The following GPD2 variants were observed in gnomAD, a reference collection of about 807,000 sequenced individuals.
GPD2 encodes glycerol-3-phosphate dehydrogenase 2, also known as glycerol-3-phosphate dehydrogenase, mitochondrial.
In GPD2, 54 loss-of-function variants were observed where a neutral mutation model predicts 82.4. The ratio of observed to expected loss-of-function variants is 0.66; its 90% CI spans 0.53 to 0.82. The LOEUF (loss-of-function observed/expected upper bound fraction) is 0.82. Ranked by LOEUF, GPD2 falls within the 40% of genes least tolerant of loss-of-function variation. GPD2 has a pLI of 0.00. For missense variants in GPD2, 748 were observed against 896.2 expected (o/e 0.83, Z 2.11); for synonymous variants, 288 against 306.1 (o/e 0.94, Z 0.62).
chr2:156,474,465 T>C lies in GPD2; in HGVS notation c.-8-1633T>C, dbSNP rs150342921. Among the ~76,000 whole-genome samples, 291 of 152,286 alleles carry C rather than the reference T, an allele frequency of 1.9e-3. 1 individual carries two copies. Among genetic ancestry groups the C allele is most frequent in the Non-Finnish European group, 3.3e-3 (224 of 68,026 alleles). On this transcript the variant is annotated intron_variant, in intron 1 of 16. Coordinates refer to ENST00000438166, the MANE Select transcript of GPD2 (RefSeq NM_000408.5). The stretch of plus-strand genomic sequence containing the variant: ...CTTGAGTTGTGAGCTATCAGTAGAA[T>C]GTAACGTGTGTTGTCCAGACAGGCC...
intron 6 of GPD2, among the ~76,000 whole-genome samples, chr2:156,534,251 C>CTT (rs1553474376): frequency 1.3e-5 from 2 of 151,668 alleles, no homozygotes; most frequent in African/African-American, 2.4e-5. Flanking sequence ...TCTCTTCTCT[C>CTT]CTCTGCTGTG....
At chr2:156,439,128 ATCTT>A (rs965031937) in intron 1 of GPD2, among the ~76,000 whole-genome samples, 1 of 152,238 alleles carries the variant, frequency 6.6e-6, no homozygotes, top group South Asian at 2.1e-4. Flanking sequence ...TTCAAAAATG[ATCTT>A]TCTGTTGAAA....
intron 2 of GPD2, among the ~76,000 whole-genome samples, chr2:156,489,975 G>C (rs902221907): frequency 6.7e-6 from 1 of 149,360 alleles, no homozygotes; most frequent in Non-Finnish European, 1.5e-5. Context: ...GCAGGGTTTC[G>C]GTCTCCCAGT....
chr2:156,538,131 T>C (rs957671027), intron 6 of GPD2, among the ~76,000 whole-genome samples: 1 of 152,182 alleles, frequency 6.6e-6, no homozygotes, highest in Non-Finnish European at 1.5e-5. Context: ...TGTTAGGAGG[T>C]AGTGAAATTA....
intron 1 of GPD2, among the ~76,000 whole-genome samples, chr2:156,440,081 C>T (rs1682113894): frequency 6.6e-6 from 1 of 152,102 alleles, no homozygotes; most frequent in Non-Finnish European, 1.5e-5. Flanking sequence ...GTTTTAGTTG[C>T]TCATCAAAAT....
At chr2:156,555,082 T>G (rs1318725009) in intron 8 of GPD2, among the ~76,000 whole-genome samples, 2 of 152,228 alleles carry the variant, frequency 1.3e-5, no homozygotes, top group African/African-American at 4.8e-5. Flanking sequence ...GCAAAATTGA[T>G]CCTTCATGAG....
chr2:156,510,800 A>G lies in GPD2; in HGVS notation c.279A>G (p.Leu93=), dbSNP rs774012799. Residue 93 remains leucine (L), a synonymous_variant, in exon 4 of 17, where the codon CTA becomes CTG. Coordinates refer to ENST00000438166, the MANE Select transcript of GPD2 (RefSeq NM_000408.5). ...TTTGGTTTTCTGGTTACACAGGACTAAAAACAGCCCTTGTAGAAAGAGATG... is the reference window on the plus strand; with the variant it reads ...TTTGGTTTTCTGGTTACACAGGACTGAAAACAGCCCTTGTAGAAAGAGATG... ...GCALDAVTRG[L]KTALVERDDF... is the part of the protein sequence containing the mutation. The G allele has an allele frequency of 2.5e-6, 4 of 1,612,106 alleles. No individual in the cohort carries two copies. The highest frequency in any genetic ancestry group is 8.5e-7 in the Non-Finnish European group (1 of 1,178,270).
chr2:156,425,861 G>A, the GPD2 span, among the ~76,000 whole-genome samples: 1 of 151,764 alleles, frequency 6.6e-6, no homozygotes, highest in African/African-American at 2.4e-5. Context: ...TGTGATAAAA[G>A]CATATACTCC....
chr2:156,435,426 C>G (rs1474312195), upstream of GPD2: 3 of 151,332 alleles, frequency 2.0e-5, no homozygotes, highest in African/African-American at 7.3e-5. Context: ...TGGGCATGCT[C>G]AGTGGGCAGG....
At chr2:156,505,619 T>G (rs1475238650) in intron 3 of GPD2, among the ~76,000 whole-genome samples, 1 of 152,188 alleles carries the variant, frequency 6.6e-6, no homozygotes, top group African/African-American at 2.4e-5. Flanking sequence ...AGCCCTTCCC[T>G]GCCTGTAATG....
chr2:156,443,388 G>C (rs1682247304), intron 1 of GPD2, among the ~76,000 whole-genome samples: 2 of 152,162 alleles, frequency 1.3e-5, no homozygotes, highest in Admixed American at 6.5e-5. Context: ...GTGACACCTA[G>C]TAAGCAGTTG....
chr2:156,518,240 G>A (rs966776126), intron 6 of GPD2, among the ~76,000 whole-genome samples: 23 of 152,216 alleles, frequency 1.5e-4, no homozygotes, highest in Admixed American at 3.9e-4. Flanking sequence ...TGTAGTTCAC[G>A]GTCCTGCCCC....
chr2:156,547,769 A>G (rs1686603201), intron 6 of GPD2, among the ~76,000 whole-genome samples: 3 of 152,252 alleles, frequency 2.0e-5, no homozygotes, highest in Admixed American at 2.0e-4. Context: ...TTTTAAACAC[A>G]TATTAAAAGA....
chr2:156,481,128 T>C (rs146271894), intron 2 of GPD2, among the ~76,000 whole-genome samples: 1 of 152,166 alleles, frequency 6.6e-6, no homozygotes, highest in African/African-American at 2.4e-5. Context: ...TTTTTTGAGG[T>C]ATGTTTCCTT....
chr2:156,525,052 G>A (rs984507301), intron 6 of GPD2, among the ~76,000 whole-genome samples: 2 of 152,048 alleles, frequency 1.3e-5, no homozygotes, highest in African/African-American at 4.8e-5. Context: ...AAGGTATATT[G>A]TATATAGGAA....
rs991759353 is a variant in GPD2, at chr2:156,499,091, A to T, written c.274+2876A>T. Among the ~76,000 whole-genome samples the T allele has an allele frequency of 3.9e-5, 6 of 152,192 alleles. No homozygotes were observed. In the South Asian group the frequency reaches 1.2e-3, roughly 31 times the overall value. ...ATAGAAACAAAGGGTAAATTCTAAG[A>T]CATAAAGAGTTTGTGTGAGTATGAA... On this transcript the variant is annotated intron_variant, in intron 3 of 16. Transcript: ENST00000438166.
the GPD2 span, among the ~76,000 whole-genome samples, chr2:156,415,801 G>GCCAA: frequency 6.6e-6 from 1 of 152,102 alleles, no homozygotes; most frequent in Non-Finnish European, 1.5e-5. Flanking sequence ...GTTGCGGTGA[G>GCCAA]CCAAGATTGT....
rs1187242848 is a variant in GPD2, at chr2:156,439,513, GAAAAAAAAAAA to G, written c.-9+3016_-9+3026del. Among the ~76,000 whole-genome samples, 5 of 31,632 alleles carry G rather than the reference GAAAAAAAAAAA, an allele frequency of 1.6e-4. 1 individual carries two copies. Among genetic ancestry groups the G allele is most frequent in the African/African-American group, 6.7e-4 (5 of 7,408 alleles). 20.8% of individuals were successfully genotyped at this position (31,632 alleles called of 152,430 possible). ...GTGAGAATTGCTTGAGACTGTCTCA[GAAAAAAAAAAA>G]AAAAAAAAAAAAAAACAAAAAAAAA... On this transcript the variant is annotated intron_variant, in intron 1 of 16. Coordinates refer to ENST00000438166, the MANE Select transcript of GPD2 (RefSeq NM_000408.5).
In GPD2 at chr2:156,452,047, A is replaced by G. The variant is rs376203599; in HGVS notation, c.-9+15534A>G. 2.0e-5 allele frequency among the ~76,000 whole-genome samples: 3 copies of G among 151,012 alleles called. No individual in the cohort carries two copies. The South Asian group carries it at 6.3e-4, about 32-fold the overall frequency. ...TTCCTAGATGGGATGGCGGCCGGGC[A>G]GAGACGCTCCTCACTTTCCAGACTG... On this transcript the variant is annotated intron_variant, in intron 1 of 16. Coordinates refer to ENST00000438166, the MANE Select transcript of GPD2 (RefSeq NM_000408.5).
Sources: gnomAD v4.1 joint callset for allele counts (sites outside exome capture counted in the v4.1 genomes callset) on GRCh38, gnomAD v4.1.1 for gene constraint, MANE v1.5 for transcripts, NCBI Gene and HGNC (gene_info 2026-07-23, HGNC 2026-07-21) for gene names.